Variants in ALDH18A1 observed in about 807,000 individuals in gnomAD.
ALDH18A1 encodes aldehyde dehydrogenase 18 family member A1, also known as delta-1-pyrroline-5-carboxylate synthase.
Under a neutral mutation model 88.8 loss-of-function variants are expected in ALDH18A1, and 44 were observed. That is an observed-to-expected ratio of 0.50 (90% CI 0.39 to 0.64). The LOEUF (loss-of-function observed/expected upper bound fraction) is 0.64. Among genes scored for constraint, ALDH18A1 ranks in the 30% least tolerant of loss-of-function variants. The pLI, the probability that ALDH18A1 is intolerant of heterozygous loss-of-function variation, is 0.00. For missense variants in ALDH18A1, 782 were observed against 1,009.5 expected (o/e 0.77, Z 3.05); for synonymous variants, 331 against 372.1 (o/e 0.89, Z 1.27).
chr10:95,651,198 T>C (rs1280007767), intron 2 of ALDH18A1, among the ~76,000 whole-genome samples: 1 of 152,002 alleles, frequency 6.6e-6, no homozygotes, highest in Non-Finnish European at 1.5e-5. Context: ...GAAGAGGATA[T>C]AAACACATGA....
chr10:95,621,240 C>A lies in ALDH18A1; in HGVS notation c.1258G>T (p.Ala420Ser), dbSNP rs754482244. 3 of 1,612,558 alleles carry A rather than the reference C, an allele frequency of 1.9e-6. No individual in the cohort carries two copies. The highest frequency in any genetic ancestry group is 1.1e-5 in the South Asian group (1 of 90,956). Residue 420 changes from alanine (A) to serine (S), a missense_variant, in exon 12 of 18, where the codon GCT becomes TCT. Physicochemically the swap from Ala to Ser is moderately conservative, Grantham distance 99 (BLOSUM62 1). Transcript: ENST00000371224. ...AGGCTTAAACGTTTCAGCAGAGGAG[C>A]TGCAAGTCTCCCTGAAAAGCCATTA... ...DLEEAEGRLA[A>S]PLLKRLSLST...
intron 2 of ALDH18A1, among the ~76,000 whole-genome samples, chr10:95,646,938 G>C (rs898475728): frequency 3.9e-5 from 6 of 152,164 alleles, no homozygotes; most frequent in African/African-American, 1.4e-4. Context: ...AGTAACCAAT[G>C]AGGCTGTGTT....
chr10:95,616,445 G>T, intron 13 of ALDH18A1, 32 bp downstream of exon 13: 1 of 1,554,148 alleles, frequency 6.4e-7, no homozygotes. Context: ...TGGCCCCTCT[G>T]GGCCTGACTT....
At position 95,614,031 on chromosome 10, in the gene ALDH18A1, T is replaced by C. The variant is rs1461978003; in HGVS notation, c.1736A>G (p.His579Arg). The change falls in exon 14 of 18, where the codon CAC becomes CGC. Residue 579 changes from histidine (H) to arginine (R), a missense_variant. By Grantham distance (29) the His-to-Arg change is conservative. Transcript: ENST00000371224. Reference sequence around the variant, plus strand: ...ATACATGTGACAGATCCCTTCGCTGTGCCCCATCACTGGAATCCCCTTAGC... The same window carrying C: ...ATACATGTGACAGATCCCTTCGCTGCGCCCCATCACTGGAATCCCCTTAGC... ...KAAKGIPVMG[H>R]SEGICHMYVD... The C allele has an allele frequency of 1.9e-6, 3 of 1,614,116 alleles. No individual in the cohort carries two copies. Among genetic ancestry groups the C allele is most frequent in the Admixed American group, 3.3e-5 (2 of 60,010 alleles).
chr10:95,615,800 C>G (rs1189935375), intron 13 of ALDH18A1, among the ~76,000 whole-genome samples: 1 of 152,164 alleles, frequency 6.6e-6, no homozygotes, highest in Non-Finnish European at 1.5e-5. Flanking sequence ...AGCCTAGGTC[C>G]AAATCTAAAC....
Position 95,610,835 on chromosome 10 carries a change from A to T in ALDH18A1, c.2110+421T>A, listed in dbSNP as rs149836437. ...AATTCCTCATTGGGGCCCTACTGGC[A>T]TCCTCCACCATTGAGGCTCCAGTAT... On this transcript the variant is annotated intron_variant, in intron 16 of 17. Transcript: ENST00000371224. 5.9e-5 allele frequency among the ~76,000 whole-genome samples: 9 copies of T among 152,248 alleles called. No homozygotes were observed. In the East Asian group the frequency reaches 1.7e-3, roughly 29 times the overall value.
intron 12 of ALDH18A1, among the ~76,000 whole-genome samples, chr10:95,618,479 C>T (rs2097847404): frequency 6.6e-6 from 1 of 152,132 alleles, no homozygotes; most frequent in Non-Finnish European, 1.5e-5. Context: ...ACCATGCCAA[C>T]TAATTTTGTA....
At chr10:95,611,165 T>C in intron 16 of ALDH18A1, 91 bp downstream of exon 16, 3 of 1,475,262 alleles carry the variant, frequency 2.0e-6, no homozygotes, top group South Asian at 1.1e-5. Context: ...ACTCAAATGA[T>C]GTTTTTCTGC....
intron 12 of ALDH18A1, among the ~76,000 whole-genome samples, chr10:95,617,074 C>T (rs1378656846): frequency 6.6e-6 from 1 of 152,132 alleles, no homozygotes; most frequent in African/African-American, 2.4e-5. Context: ...TGGTGAAACC[C>T]CATCTCTACT....
At chr10:95,633,379 T>A in intron 6 of ALDH18A1, 112 bp downstream of exon 6, 1 of 1,379,338 alleles carries the variant, frequency 7.2e-7, no homozygotes, top group South Asian at 1.3e-5. Context: ...ATGACAAGTT[T>A]CTCTCACAAC....
chr10:95,648,990 A>G (rs1022286843), intron 2 of ALDH18A1, among the ~76,000 whole-genome samples: 1 of 152,192 alleles, frequency 6.6e-6, no homozygotes, highest in South Asian at 2.1e-4. Flanking sequence ...ACTCTACATT[A>G]ATAGGAAAGA....
At chr10:95,630,323 C>T (rs1453472599) in intron 7 of ALDH18A1, among the ~76,000 whole-genome samples, 1 of 152,196 alleles carries the variant, frequency 6.6e-6, no homozygotes, top group East Asian at 1.9e-4. Flanking sequence ...GGTTAGCCTA[C>T]CCACTACCTA....
chr10:95,627,503 G>A lies in ALDH18A1; in HGVS notation c.1017C>T (p.Val339=). The change falls in exon 9 of 18, where the codon GTC becomes GTT. Residue 339 remains valine, a synonymous_variant. Transcript: ENST00000371224. ...TCTTCCCCTCCACAATGTCTGTGAT[G>A]ACGTGCCCAGACACCTTTGGGTGGG... ...NGTHPKVSGH[V]ITDIVEGKKV... 6.2e-7 allele frequency: 1 copy of A among 1,614,128 alleles called. No homozygotes were observed. Among genetic ancestry groups the A allele is most frequent in the Non-Finnish European group, 8.5e-7 (1 of 1,179,980 alleles).
intron 2 of ALDH18A1, among the ~76,000 whole-genome samples, chr10:95,645,867 T>C (rs1017430131): frequency 2.0e-5 from 3 of 152,186 alleles, no homozygotes; most frequent in Non-Finnish European, 2.9e-5. Context: ...CTAAGTTTTA[T>C]GGAGTGCTAC....
At chr10:95,623,581 T>C (rs1310176343) in intron 11 of ALDH18A1, among the ~76,000 whole-genome samples, 1 of 151,972 alleles carries the variant, frequency 6.6e-6, no homozygotes, top group African/African-American at 2.4e-5. Context: ...CTTTTTTTTT[T>C]TGAGATGGAG....
intron 13 of ALDH18A1, among the ~76,000 whole-genome samples, chr10:95,615,035 A>G (rs2097841882): frequency 6.6e-6 from 1 of 152,218 alleles, no homozygotes; most frequent in Admixed American, 6.5e-5. Context: ...TATAAATTTC[A>G]AGAATAGGCA....
intron 1 of ALDH18A1, among the ~76,000 whole-genome samples, chr10:95,655,572 C>T (rs904677100): frequency 6.6e-6 from 1 of 151,938 alleles, no homozygotes; most frequent in Non-Finnish European, 1.5e-5. Flanking sequence ...TGAAGACTGA[C>T]GTAGAAACCA....
intron 15 of ALDH18A1, among the ~76,000 whole-genome samples, chr10:95,613,413 T>C (rs1398384279): frequency 6.9e-6 from 1 of 144,922 alleles, no homozygotes; most frequent in Non-Finnish European, 1.6e-5. Context: ...ATCCAAAAAA[T>C]AATATATGCT....
intron 5 of ALDH18A1, 57 bp downstream of exon 5, chr10:95,637,036 G>C: frequency 6.6e-7 from 1 of 1,523,954 alleles, no homozygotes; most frequent in Non-Finnish European, 9.0e-7. Flanking sequence ...AGACCCCTTT[G>C]TTCCACAACA....
Sources: gnomAD v4.1 joint callset for allele counts (sites outside exome capture counted in the v4.1 genomes callset) on GRCh38, gnomAD v4.1.1 for gene constraint, MANE v1.5 for transcripts, NCBI Gene and HGNC (gene_info 2026-07-23, HGNC 2026-07-21) for gene names.